The following MDGA2 variants were observed in gnomAD, a reference collection of about 807,000 sequenced individuals.
The protein encoded by MDGA2 is MAM domain containing glycosylphosphatidylinositol anchor 2.
In MDGA2, 40 loss-of-function variants were observed where a neutral mutation model predicts 117.8. The observed-to-expected ratio is 0.34, with a 90% confidence interval of 0.26 to 0.44. The LOEUF (loss-of-function observed/expected upper bound fraction) is 0.44, where lower values mean the gene tolerates loss of function less well. Among genes scored for constraint, MDGA2 ranks in the 20% least tolerant of loss-of-function variants. The pLI is 1.00. For missense variants in MDGA2, 1,123 were observed against 1,250.6 expected, an observed-to-expected ratio of 0.90 and a Z score of 1.54; for synonymous variants, 452 against 439.0, an observed-to-expected ratio of 1.03 and a Z score of -0.37.
chr14:47,073,478 C>T (rs183283303), intron 6 of MDGA2, among the ~76,000 whole-genome samples: 132 of 152,246 alleles, frequency 8.7e-4, no homozygotes, highest in African/African-American at 3.0e-3. Context: ...CACAGAATAT[C>T]CAAACACTAG....
chr14:47,185,480 C>T (rs890769930), intron 3 of MDGA2, among the ~76,000 whole-genome samples: 2 of 151,256 alleles, frequency 1.3e-5, no homozygotes, highest in African/African-American at 4.8e-5. Context: ...TATGTGATGG[C>T]AATATATATA....
intron 1 of MDGA2, chr14:47,306,042 A>C (rs767171316): frequency 6.6e-6 from 1 of 152,138 alleles, no homozygotes; most frequent in Non-Finnish European, 1.5e-5. Flanking sequence ...ACCATGTAAA[A>C]ATGTATCCCC....
chr14:47,235,354 C>A (rs1886822607), intron 2 of MDGA2, among the ~76,000 whole-genome samples: 1 of 152,080 alleles, frequency 6.6e-6, no homozygotes, highest in African/African-American at 2.4e-5. Flanking sequence ...GTTTCAGTGT[C>A]TTTTGAAGGA....
chr14:46,985,214 A>G (rs1178021306), intron 8 of MDGA2, among the ~76,000 whole-genome samples: 1 of 152,086 alleles, frequency 6.6e-6, no homozygotes, highest in East Asian at 1.9e-4. Context: ...ATGAGTTCTT[A>G]TAAAGATTAA....
intron 1 of MDGA2, among the ~76,000 whole-genome samples, chr14:47,636,510 G>T (rs1173435592): frequency 6.6e-6 from 1 of 152,128 alleles, no homozygotes; most frequent in Non-Finnish European, 1.5e-5. Context: ...TGGGCCGGGT[G>T]CAGTAGCTCA....
rs1884053987 is a variant in MDGA2, at chr14:47,170,009, A to C, written c.596-25735T>G. ...ATACGATGAATTACTAAGTAAATACAAAATGTTAAATATAATATTGCAACA... is the reference window on the plus strand; with the variant it reads ...ATACGATGAATTACTAAGTAAATACCAAATGTTAAATATAATATTGCAACA... On this transcript the variant is annotated intron_variant, in intron 3 of 16. Transcript: ENST00000399232. 2.6e-5 allele frequency among the ~76,000 whole-genome samples: 4 copies of C among 152,146 alleles called. No homozygotes were observed. The South Asian group carries it at 8.3e-4, about 31-fold the overall frequency.
intron 1 of MDGA2, among the ~76,000 whole-genome samples, chr14:47,673,928 A>C (rs1200512452): frequency 6.6e-6 from 1 of 151,732 alleles, no homozygotes; most frequent in Non-Finnish European, 1.5e-5. Flanking sequence ...CATGTCCCTT[A>C]ATTGTGTCTG....
At chr14:46,973,446 T>C (rs1277067115) in intron 8 of MDGA2, among the ~76,000 whole-genome samples, 3 of 152,110 alleles carry the variant, frequency 2.0e-5, no homozygotes, top group African/African-American at 7.2e-5. Flanking sequence ...AGCTTGCAGA[T>C]CAGCCCCTTT....
chr14:47,053,646 TATATATATACAC>T (rs1566595385), intron 7 of MDGA2, among the ~76,000 whole-genome samples: 5 of 39,878 alleles, frequency 1.3e-4, no homozygotes, highest in Non-Finnish European at 1.9e-4. Flanking sequence ...TATATATATA[TATATATATACAC>T]ACACACACAC....
intron 3 of MDGA2, among the ~76,000 whole-genome samples, chr14:47,180,173 C>CT (rs2139366409): frequency 6.6e-6 from 1 of 152,212 alleles, no homozygotes; most frequent in Admixed American, 6.5e-5. Context: ...TCTTGATCCT[C>CT]TCCTTCCTCC....
In MDGA2 at chr14:47,097,146, C is replaced by G. The variant is rs767496308; in HGVS notation, c.926-23G>C. ...ATGCTAAAAGACATAAACAGAAGAACGTGCACCTATTTAGATATGCTACAA... is the reference window on the plus strand; with the variant it reads ...ATGCTAAAAGACATAAACAGAAGAAGGTGCACCTATTTAGATATGCTACAA... On this transcript the variant is annotated intron_variant, in intron 5 of 16. Coordinates refer to ENST00000399232, the MANE Select transcript of MDGA2 (RefSeq NM_001113498.3). 6 of 1,603,912 alleles carry G rather than the reference C, an allele frequency of 3.7e-6. No individual in the cohort carries two copies. In the African/African-American group the frequency reaches 5.4e-5, roughly 14 times the overall value.
At chr14:47,202,712 C>G (rs771719011) in intron 3 of MDGA2, among the ~76,000 whole-genome samples, 2 of 152,158 alleles carry the variant, frequency 1.3e-5, no homozygotes, top group South Asian at 4.1e-4. Context: ...GAGGTTCAGA[C>G]AGTGAAAATA....
At chr14:47,340,439 G>A (rs1890587856) in intron 1 of MDGA2, among the ~76,000 whole-genome samples, 1 of 152,010 alleles carries the variant, frequency 6.6e-6, no homozygotes, top group Non-Finnish European at 1.5e-5. Context: ...CATAATTTCA[G>A]GATCCAGGGT....
rs1223788221 is a variant in MDGA2 at position 47,336,204 on chromosome 14, T to G, written c.281-34654A>C. 1.1e-4 allele frequency among the ~76,000 whole-genome samples: 16 copies of G among 151,870 alleles called. No individual in the cohort carries two copies. In the Admixed American group the frequency reaches 1.1e-3, roughly 10 times the overall value. On this transcript the variant is annotated intron_variant, in intron 1 of 16. Transcript: ENST00000399232. ...AACATTTAGGAGATGTCTTGTAGAC[T>G]TCATGTATCTTTACCTTTAACAACA...
At chr14:47,200,665 G>C (rs1958086) in intron 3 of MDGA2, 222,823 of 1,167,086 alleles carry the variant, frequency 0.19, 22,732 homozygotes, top group Middle Eastern at 0.28. Flanking sequence ...GTAGCCTCAA[G>C]AGCTGTTTCT....
At chr14:46,987,302 G>A (rs555414401) in intron 8 of MDGA2, among the ~76,000 whole-genome samples, 1 of 152,170 alleles carries the variant, frequency 6.6e-6, no homozygotes, top group Non-Finnish European at 1.5e-5. Flanking sequence ...AGTCCTCTTG[G>A]TTAATGCTGA....
Position 46,882,125 on chromosome 14 carries a change from G to A in MDGA2, c.2335C>T (p.Pro779Ser). 1 of 1,612,224 alleles carries A rather than the reference G, an allele frequency of 6.2e-7. No homozygotes were observed. Among genetic ancestry groups the A allele is most frequent in the South Asian group, 1.1e-5 (1 of 90,984 alleles). ...GTCAGTCGGACTTCATAAGCTTCTG[G>A]TTTAATTAGCTCTGTCAAGTTATAT... is the stretch of plus-strand genomic sequence containing the variant. ...ITYNLTELIK[P>S]EAYEVRLTPL... Residue 779 changes from proline (P) to serine (S), a missense_variant, in exon 11 of 17, where the codon CCA becomes TCA. Transcript: ENST00000399232.
At chr14:47,110,729 A>C (rs1334238712) in intron 5 of MDGA2, among the ~76,000 whole-genome samples, 1 of 152,160 alleles carries the variant, frequency 6.6e-6, no homozygotes, top group Non-Finnish European at 1.5e-5. Context: ...TCTGTTACAT[A>C]ATTTCTAAAG....
At chr14:47,329,825 T>C (rs1377496949) in intron 1 of MDGA2, among the ~76,000 whole-genome samples, 1 of 151,942 alleles carries the variant, frequency 6.6e-6, no homozygotes, top group Non-Finnish European at 1.5e-5. Context: ...AATCATTTTA[T>C]AATGAGAAAA....
Sources: gnomAD v4.1 joint callset for allele counts (sites outside exome capture counted in the v4.1 genomes callset) on GRCh38, gnomAD v4.1.1 for gene constraint, MANE v1.5 for transcripts, NCBI Gene and HGNC (gene_info 2026-07-23, HGNC 2026-07-21) for gene names.